Variants in GUCY1A1 observed in about 807,000 individuals in gnomAD.
GUCY1A1 encodes guanylate cyclase 1 soluble subunit alpha 1, also known as guanylate cyclase soluble subunit alpha-1.
A neutral mutation model predicts 64.5 loss-of-function variants in GUCY1A1; 48 were observed. The observed-to-expected ratio is 0.74, with a 90% CI of 0.59 to 0.95. The LOEUF is 0.95. Ranked by LOEUF, GUCY1A1 falls within the 40% of genes least tolerant of loss-of-function variation. The pLI is 0.00. For synonymous variants in GUCY1A1, 308 were observed against 303.4 expected (o/e 1.02, Z -0.16); for missense variants, 804 against 825.3 (o/e 0.97, Z 0.32).
intron 2 of GUCY1A1, among the ~76,000 whole-genome samples, chr4:155,682,628 T>C (rs12186245): frequency 0.99 from 150,935 of 151,876 alleles, 75,007 homozygotes; most frequent in Middle Eastern, 1. Context: ...GCCGAGATCA[T>C]GCCACTGCAC....
chr4:155,723,664 ATT>A, intron 9 of GUCY1A1, among the ~76,000 whole-genome samples: 1 of 108,556 alleles, frequency 9.2e-6, no homozygotes, highest in Admixed American at 9.9e-5. Flanking sequence ...TTATTTATTT[ATT>A]TATTTATATT....
chr4:155,706,194 A>G (rs958187658), intron 4 of GUCY1A1, among the ~76,000 whole-genome samples: 2 of 152,250 alleles, frequency 1.3e-5, no homozygotes, highest in Non-Finnish European at 2.9e-5. Flanking sequence ...ATATAAAAAA[A>G]AGAAATCTGA....
intron 9 of GUCY1A1, 119 bp downstream of exon 9, chr4:155,722,311 G>A (rs1287199295): frequency 1.3e-5 from 19 of 1,456,242 alleles, no homozygotes; most frequent in African/African-American, 1.4e-5. Context: ...AAGGAAAAAA[G>A]AAACGTGATA....
chr4:155,711,289 AT>A, intron 6 of GUCY1A1, 38 bp downstream of exon 6: 3 of 1,079,154 alleles, frequency 2.8e-6, no homozygotes, highest in Non-Finnish European at 4.2e-6. Flanking sequence ...TATGAAAGCT[AT>A]TTCATATTTA....
intron 2 of GUCY1A1, among the ~76,000 whole-genome samples, chr4:155,688,619 T>C (rs951280884): frequency 2.0e-5 from 3 of 152,134 alleles, no homozygotes; most frequent in African/African-American, 7.2e-5. Flanking sequence ...ATATGCAAAT[T>C]TAAATCAAAC....
At chr4:155,728,626 A>T (rs1295068396) in intron 9 of GUCY1A1, among the ~76,000 whole-genome samples, 1 of 151,848 alleles carries the variant, frequency 6.6e-6, no homozygotes, top group African/African-American at 2.4e-5. Context: ...GTTCAAAATG[A>T]TTTTACCAAT....
At chr4:155,703,409 CAAG>C (rs1377221083) in intron 3 of GUCY1A1, among the ~76,000 whole-genome samples, 1 of 152,104 alleles carries the variant, frequency 6.6e-6, no homozygotes, top group African/African-American at 2.4e-5. Flanking sequence ...GTTTGCTAGA[CAAG>C]AAGATGATAT....
intron 7 of GUCY1A1, among the ~76,000 whole-genome samples, chr4:155,716,943 G>A (rs1490716021): frequency 6.6e-6 from 1 of 152,266 alleles, no homozygotes; most frequent in East Asian, 1.9e-4. Flanking sequence ...TCATAGGACT[G>A]TACTGCCTCT....
chr4:155,691,543 A>C (rs951525766), intron 2 of GUCY1A1, among the ~76,000 whole-genome samples: 1 of 152,136 alleles, frequency 6.6e-6, no homozygotes, highest in Non-Finnish European at 1.5e-5. Context: ...TTTGTACTGA[A>C]GTATACAAAC....
chr4:155,697,213 C>T (rs948831469), intron 3 of GUCY1A1, 91 bp downstream of exon 3: 7 of 888,618 alleles, frequency 7.9e-6, no homozygotes, highest in Non-Finnish European at 1.3e-5. Context: ...CTTCCTTTCT[C>T]ACTTTCAAGG....
chr4:155,712,009 T>C (rs2126865420), intron 6 of GUCY1A1, among the ~76,000 whole-genome samples: 1 of 152,334 alleles, frequency 6.6e-6, no homozygotes, highest in Non-Finnish European at 1.5e-5. Context: ...AACAAAAAAA[T>C]GCTATTTTAC....
chr4:155,680,933 ACACACACACACACATG>A (rs1288218341), intron 2 of GUCY1A1, among the ~76,000 whole-genome samples: 10 of 144,796 alleles, frequency 6.9e-5, no homozygotes, highest in Non-Finnish European at 1.4e-4. Flanking sequence ...ACACACACAC[ACACACACACACACATG>A]CACACACACA....
At chr4:155,716,113 A>G (rs1326234968) in intron 7 of GUCY1A1, among the ~76,000 whole-genome samples, 1 of 152,134 alleles carries the variant, frequency 6.6e-6, no homozygotes, top group African/African-American at 2.4e-5. Context: ...TTAAAGGATA[A>G]TGGAAGGCAG....
rs538864736 is a variant in GUCY1A1, at chr4:155,734,291, G to C, written c.*4060G>C. Among the ~76,000 whole-genome samples the C allele has an allele frequency of 2.0e-5, 3 of 152,026 alleles. No individual in the cohort carries two copies. The South Asian group carries it at 6.2e-4, about 32-fold the overall frequency. ...GCCCAGATGGAGCTTTACATGCAAA[G>C]CTCCAGTGAAGTCTAGTGCTGTATA... is the stretch of plus-strand genomic sequence containing the variant. On this transcript the variant is annotated 3_prime_UTR_variant, in exon 10 of 10. Transcript: ENST00000506455.
intron 2 of GUCY1A1, among the ~76,000 whole-genome samples, chr4:155,694,442 C>A (rs952155220): frequency 1.8e-4 from 27 of 152,152 alleles, no homozygotes; most frequent in Admixed American, 1.8e-3. Flanking sequence ...CCTGCGTAGG[C>A]TGTTATTTTT....
intron 6 of GUCY1A1, among the ~76,000 whole-genome samples, chr4:155,712,773 T>A (rs1285672265): frequency 6.6e-6 from 1 of 152,114 alleles, no homozygotes; most frequent in Admixed American, 6.5e-5. Flanking sequence ...AAATAGAACT[T>A]CAGATTAATC....
In GUCY1A1 at chr4:155,722,062, T is replaced by C. The variant is rs1579116101; in HGVS notation, c.1741T>C (p.Ser581Pro). 6.2e-7 allele frequency: 1 copy of C among 1,613,410 alleles called. No homozygotes were observed. The highest frequency in any genetic ancestry group is 8.5e-7 in the Non-Finnish European group (1 of 1,179,500). Residue 581 changes from serine to proline, a missense_variant, in exon 9 of 10, where the codon TCA (serine) becomes CCA (proline). Coordinates refer to ENST00000506455, the MANE Select transcript of GUCY1A1 (RefSeq NM_001130682.3). ...GATGCGAATTGGACTGCACTCTGGA[T>C]CAGTTTTTGCTGGCGTCGTTGGAGT... The part of the protein sequence containing the change: ...IKMRIGLHSG[S>P]VFAGVVGVKM...
chr4:155,669,294 G>A (rs1733797781), intron 2 of GUCY1A1, among the ~76,000 whole-genome samples: 1 of 151,726 alleles, frequency 6.6e-6, no homozygotes, highest in African/African-American at 2.4e-5. Context: ...TCTATTATAC[G>A]ACAGAAAATA....
At chr4:155,719,016 G>A (rs957767927) in intron 8 of GUCY1A1, among the ~76,000 whole-genome samples, 2 of 152,078 alleles carry the variant, frequency 1.3e-5, no homozygotes, top group African/African-American at 2.4e-5. Context: ...CAATGTAAAT[G>A]TTAAAAATAT....
Sources: gnomAD v4.1 joint callset for allele counts (sites outside exome capture counted in the v4.1 genomes callset) on GRCh38, gnomAD v4.1.1 for gene constraint, MANE v1.5 for transcripts, NCBI Gene and HGNC (gene_info 2026-07-23, HGNC 2026-07-21) for gene names.